DNAH5: variants seen among roughly 807,000 people sequenced by gnomAD.
DNAH5 encodes the protein dynein axonemal heavy chain 5, also known as axonemal beta dynein heavy chain 5.
DNAH5 carries 372 observed loss-of-function variants against 518.2 expected under a neutral mutation model. The observed-to-expected ratio is 0.72, with a 90% CI of 0.66 to 0.78. The LOEUF (loss-of-function observed/expected upper bound fraction) is 0.78. Among genes scored for constraint, DNAH5 ranks in the 30% least tolerant of loss-of-function variants. DNAH5 has a pLI of 0.00. For missense variants in DNAH5, 5,523 were observed against 5,687.0 expected (o/e 0.97, Z 0.93); for synonymous variants, 2,039 against 2,025.9 (o/e 1.01, Z -0.17).
At chr5:13,807,853 A>G (rs1329041526) in intron 46 of DNAH5, 128 bp from the exon 47 acceptor site, 14 of 833,600 alleles carry the variant, frequency 1.7e-5, no homozygotes, top group Non-Finnish European at 1.9e-6. Flanking sequence ...CTATTTGGAG[A>G]TAAGGTCTTT....
Position 13,769,036 on chromosome 5 carries a change from G to C in DNAH5, c.9821C>G (p.Ser3274Cys). Residue 3274 changes from serine to cysteine, a missense_variant, in exon 58 of 79, where the codon TCT becomes TGT. This residue lies in a region of DNAH5 where 5,121 missense variants were observed against 5,223.3 expected (regional missense o/e 0.98). Transcript: ENST00000265104. ...DRAQAIVDSI[S>C]KDKAIAEEKL... Reference sequence around the variant, plus strand: ...TTCTTCAGCAATGGCTTTGTCTTTAGAGATGCTGTCCACAATGGCCTGGGC... The same window carrying C: ...TTCTTCAGCAATGGCTTTGTCTTTACAGATGCTGTCCACAATGGCCTGGGC... The C allele has an allele frequency of 6.2e-7, 1 of 1,614,176 alleles. No homozygotes were observed. Among genetic ancestry groups the C allele is most frequent in the African/African-American group, 1.3e-5 (1 of 75,024 alleles).
chr5:13,922,727 CAAA>C (rs35310788), intron 4 of DNAH5, among the ~76,000 whole-genome samples: 15 of 94,414 alleles, frequency 1.6e-4, no homozygotes, highest in East Asian at 3.1e-4. Flanking sequence ...GACCCTGTCT[CAAA>C]AAAAAAAAAA....
At chr5:13,992,906 A>C (rs1783657926) in intron 1 of DNAH5, among the ~76,000 whole-genome samples, 2 of 152,226 alleles carry the variant, frequency 1.3e-5, no homozygotes, top group Admixed American at 1.3e-4. Context: ...TCATCACTAC[A>C]GAGACTGCTA....
rs1305740866 is a variant in DNAH5, at chr5:13,886,079, C to T, written c.2628G>A (p.Val876=). The change falls in exon 18 of 79, where the codon GTG becomes GTA. Residue 876 remains valine, a synonymous_variant. Transcript: ENST00000265104. ...AQILHFKSSL[V]EEAVNELVNM... ...TTACAAGCTCATTGACTGCCTCCTC[C>T]ACTAATGAGCTTTTAAAATGTAGTA... is the stretch of plus-strand genomic sequence containing the variant. 1.2e-6 allele frequency: 2 copies of T among 1,609,034 alleles called. No homozygotes were observed. Among genetic ancestry groups the T allele is most frequent in the Non-Finnish European group, 1.7e-6 (2 of 1,179,362 alleles).
chr5:13,886,258 T>C (rs1772423263), intron 17 of DNAH5, 129 bp from the exon 18 acceptor site: 1 of 916,222 alleles, frequency 1.1e-6, no homozygotes, highest in South Asian at 1.5e-5. Flanking sequence ...CCAGTGATGC[T>C]TGGCCACATC....
chr5:13,776,691 C>A lies in DNAH5; in HGVS notation c.9121G>T (p.Ala3041Ser). Residue 3041 changes from alanine (A) to serine (S), a missense_variant, in exon 55 of 79, where the codon GCT (alanine) becomes TCT (serine). Ala to Ser is a moderately conservative substitution (Grantham distance 99). Coordinates refer to ENST00000265104, the MANE Select transcript of DNAH5 (RefSeq NM_001369.3). ...TTAATTTCATCAATTTCATCTCGAG[C>A]AAATAGGTTAGAGACCTTAAAAAGA... ...LSSGEVSNLF[A>S]RDEIDEINSD... 1 of 1,613,560 alleles carries A rather than the reference C, an allele frequency of 6.2e-7. No homozygotes were observed. The highest frequency in any genetic ancestry group is 8.5e-7 in the Non-Finnish European group (1 of 1,179,738).
In DNAH5 at chr5:13,919,300, C is replaced by G. The variant is rs769557353; in HGVS notation, c.851G>C (p.Arg284Pro). The change falls in exon 7 of 79, where the codon CGA (arginine) becomes CCA (proline). Residue 284 changes from arginine (R) to proline (P), a missense_variant. Physicochemically the swap from Arg to Pro is moderately radical, Grantham distance 103 (BLOSUM62 -2). Coordinates refer to ENST00000265104, the MANE Select transcript of DNAH5 (RefSeq NM_001369.3). ...TTTTTTCCAGTGCTCCAGCTCCGCT[C>G]GTGGCCCAACGTCATCCGCTTCCTT... is the stretch of plus-strand genomic sequence containing the variant. Reference protein sequence around the residue: ...LLKEADDVGPRAELEHWKKRL... With the variant: ...LLKEADDVGPPAELEHWKKRL... The G allele has an allele frequency of 6.2e-7, 1 of 1,614,130 alleles. No individual in the cohort carries two copies. The highest frequency in any genetic ancestry group is 1.1e-5 in the South Asian group (1 of 91,086).
intron 34 of DNAH5, 60 bp downstream of exon 34, chr5:13,840,846 T>A (rs1025231256): frequency 2.2e-5 from 30 of 1,360,238 alleles, no homozygotes; most frequent in Middle Eastern, 1.9e-4. Context: ...ACTGGGTAAA[T>A]GCAGATAGTG....
intron 17 of DNAH5, among the ~76,000 whole-genome samples, chr5:13,886,909 G>A (rs116010516): frequency 0.015 from 2,335 of 152,264 alleles, 64 homozygotes; most frequent in African/African-American, 0.052. Flanking sequence ...ATAAATGCAA[G>A]TAAAATACTA....
At chr5:13,940,475 C>T (rs979437742) in intron 1 of DNAH5, among the ~76,000 whole-genome samples, 10 of 152,150 alleles carry the variant, frequency 6.6e-5, no homozygotes, top group Non-Finnish European at 1.3e-4. Flanking sequence ...TCCAAAACTT[C>T]CCTTATTCAT....
intron 1 of DNAH5, among the ~76,000 whole-genome samples, chr5:13,942,736 C>T (rs1779579804): frequency 6.6e-6 from 1 of 152,090 alleles, no homozygotes; most frequent in African/African-American, 2.4e-5. Flanking sequence ...GATGTCTCCT[C>T]TAAGCACTTT....
At chr5:13,818,940 C>T (rs753233286) in intron 41 of DNAH5, among the ~76,000 whole-genome samples, 3 of 152,174 alleles carry the variant, frequency 2.0e-5, no homozygotes, top group Non-Finnish European at 4.4e-5. Flanking sequence ...TCCTCTACTA[C>T]TAAAACCAAA....
In DNAH5 at chr5:13,919,755, T is replaced by A. The variant is rs1162419115; in HGVS notation, c.799-403A>T. On this transcript the variant is annotated intron_variant, in intron 6 of 78. Transcript: ENST00000265104. The stretch of plus-strand genomic sequence containing the variant: ...GGGGTATCATCACCTTGAGTACTTA[T>A]CATTTCTACGTGTGGGTAACATTTC... Among the ~76,000 whole-genome samples the A allele has an allele frequency of 2.6e-5, 4 of 152,326 alleles. No individual in the cohort carries two copies. The East Asian group carries it at 5.8e-4, about 22-fold the overall frequency.
At chr5:13,738,348 T>C (rs1170493416) in intron 65 of DNAH5, among the ~76,000 whole-genome samples, 4 of 152,168 alleles carry the variant, frequency 2.6e-5, no homozygotes, top group Non-Finnish European at 5.9e-5. Flanking sequence ...TTAAGAGAGT[T>C]CCATTATTGT....
rs750118471 is a variant in DNAH5, at chr5:13,901,453, A to C, written c.1851T>G (p.Ala617=). The C allele has an allele frequency of 6.2e-7, 1 of 1,614,008 alleles. No homozygotes were observed. Among genetic ancestry groups the C allele is most frequent in the South Asian group, 1.1e-5 (1 of 91,062 alleles). The change falls in exon 14 of 79, where the codon GCT becomes GCG. Residue 617 remains alanine (A), a synonymous_variant. Coordinates refer to ENST00000265104, the MANE Select transcript of DNAH5 (RefSeq NM_001369.3). ...YTKQKYDPPL[A]RNQPPIAGKI... ...TTCCAGCGATGGGAGGCTGGTTTCGAGCCAGAGGAGGATCGTATTTCTGCT... is the reference window on the plus strand; with the variant it reads ...TTCCAGCGATGGGAGGCTGGTTTCGCGCCAGAGGAGGATCGTATTTCTGCT...
chr5:13,824,065 T>C lies in DNAH5; in HGVS notation c.6579+134A>G, dbSNP rs1203115537. 4 of 931,538 alleles carry C rather than the reference T, an allele frequency of 4.3e-6. No individual in the cohort carries two copies. The East Asian group carries it at 1.0e-4, about 24-fold the overall frequency. 57.7% of individuals were successfully genotyped at this position (931,538 alleles called of 1,614,324 possible). The stretch of plus-strand genomic sequence containing the variant: ...TCTGAAAAAGTATAATTTAAAGTGA[T>C]GCTCTCCAGCACTTTATCTGACAAT... On this transcript the variant is annotated intron_variant, in intron 39 of 78. Transcript: ENST00000265104.
At chr5:13,885,904 G>A in intron 18 of DNAH5, 60 bp downstream of exon 18, 1 of 1,485,840 alleles carries the variant, frequency 6.7e-7, no homozygotes, top group Non-Finnish European at 9.3e-7. Flanking sequence ...AGAAAATGCA[G>A]TTTTAGTTTT....
Position 13,861,909 on chromosome 5 carries a change from C to T in DNAH5, c.4796+639G>A, listed in dbSNP as rs1238092597. Among the ~76,000 whole-genome samples, 12 of 134,008 alleles carry T rather than the reference C, an allele frequency of 9.0e-5. No individual in the cohort carries two copies. The South Asian group carries it at 1.4e-3, about 16-fold the overall frequency. The allele number at this position is 134,008 out of a possible 152,430, so 87.9% of individuals were successfully genotyped here. A position where few individuals can be genotyped will look rare whatever the true frequency, so the allele number is the denominator to read the frequency against. On this transcript the variant is annotated intron_variant, in intron 29 of 78. Coordinates refer to ENST00000265104, the MANE Select transcript of DNAH5 (RefSeq NM_001369.3). ...CTGAGGTTTCAGTGAGCTGAGATCA[C>T]GCCATTGCACTCCAGCCTGGGTGAC... is the stretch of plus-strand genomic sequence containing the variant.
chr5:13,737,950 C>T (rs1188650022), intron 65 of DNAH5, among the ~76,000 whole-genome samples: 1 of 152,106 alleles, frequency 6.6e-6, no homozygotes, highest in African/African-American at 2.4e-5. Flanking sequence ...GTAGTCCCAG[C>T]TGCTTGGGAA....
Sources: gnomAD v4.1 joint callset for allele counts (sites outside exome capture counted in the v4.1 genomes callset) on GRCh38, gnomAD v4.1.1 for gene constraint, gnomAD v4.1.1 regional missense constraint, MANE v1.5 for transcripts, NCBI Gene and HGNC (gene_info 2026-07-23, HGNC 2026-07-21) for gene names.